COL25A1: variants seen among roughly 807,000 people sequenced by gnomAD.
COL25A1 encodes collagen alpha-1(XXV) chain.
A neutral mutation model predicts 128.4 loss-of-function variants in COL25A1; 103 were observed. The observed-to-expected ratio is 0.80, with a 90% CI of 0.68 to 0.94. The LOEUF is 0.94. COL25A1 is among the 40% of genes least tolerant of loss of function. The pLI is 0.00. For synonymous variants in COL25A1, 279 were observed against 277.2 expected (o/e 1.01, Z -0.06); for missense variants, 745 against 840.0 (o/e 0.89, Z 1.40).
chr4:108,971,614 TA>T, intron 8 of COL25A1, among the ~76,000 whole-genome samples: 1 of 152,282 alleles, frequency 6.6e-6, no homozygotes. Flanking sequence ...CTGAGTGTTG[TA>T]GGTGGAGGCA....
intron 3 of COL25A1, among the ~76,000 whole-genome samples, chr4:109,153,452 A>G (rs956769254): frequency 2.0e-5 from 3 of 152,086 alleles, no homozygotes; most frequent in African/African-American, 7.2e-5. Flanking sequence ...AAAGAAGAGT[A>G]ACAGCACTTG....
intron 3 of COL25A1, among the ~76,000 whole-genome samples, chr4:109,191,096 C>G (rs981172883): frequency 6.6e-6 from 1 of 152,160 alleles, no homozygotes; most frequent in South Asian, 2.1e-4. Context: ...GATCACTATT[C>G]CGAAGCAAAC....
intron 3 of COL25A1, among the ~76,000 whole-genome samples, chr4:109,156,481 G>A (rs996210199): frequency 6.6e-6 from 1 of 152,136 alleles, no homozygotes; most frequent in South Asian, 2.1e-4. Context: ...GCTATGAAAG[G>A]TATTCATCTG....
chr4:109,228,584 C>G (rs1981563), intron 3 of COL25A1, among the ~76,000 whole-genome samples: 71,035 of 151,948 alleles, frequency 0.47, 19,941 homozygotes, highest in African/African-American at 0.78. Context: ...GATCCTTAGA[C>G]GTTTTAATCT....
At chr4:109,049,706 C>T (rs1760803371) in intron 4 of COL25A1, among the ~76,000 whole-genome samples, 2 of 152,118 alleles carry the variant, frequency 1.3e-5, no homozygotes, top group Non-Finnish European at 2.9e-5. Flanking sequence ...AAAATAACAA[C>T]ACAGCTTTCT....
At chr4:109,137,333 A>C (rs1769885801) in intron 3 of COL25A1, among the ~76,000 whole-genome samples, 1 of 152,212 alleles carries the variant, frequency 6.6e-6, no homozygotes, top group Admixed American at 6.5e-5. Context: ...TAAGCAAACA[A>C]CACTTTCTGC....
chr4:109,013,106 C>A (rs1756813747), intron 5 of COL25A1, among the ~76,000 whole-genome samples: 1 of 152,084 alleles, frequency 6.6e-6, no homozygotes. Context: ...TGTAAATGCA[C>A]CAATCAGCAC....
At chr4:109,035,576 A>G (rs915423309) in intron 5 of COL25A1, among the ~76,000 whole-genome samples, 14 of 152,204 alleles carry the variant, frequency 9.2e-5, no homozygotes, top group Admixed American at 7.8e-4. Context: ...AACGAACAGG[A>G]ATGAAAGAAA....
intron 19 of COL25A1, among the ~76,000 whole-genome samples, chr4:108,883,072 C>T (rs1450593557): frequency 1.3e-5 from 2 of 152,090 alleles, no homozygotes; most frequent in African/African-American, 4.8e-5. Flanking sequence ...GACGGAATAG[C>T]ACTCTGTTGC....
chr4:109,120,112 A>G (rs888938310), intron 3 of COL25A1, among the ~76,000 whole-genome samples: 8 of 152,088 alleles, frequency 5.3e-5, no homozygotes, highest in African/African-American at 1.9e-4. Flanking sequence ...CTCTCAGCAA[A>G]TTAATACAGA....
At chr4:108,925,703 C>T (rs915280049) in intron 11 of COL25A1, among the ~76,000 whole-genome samples, 1 of 152,122 alleles carries the variant, frequency 6.6e-6, no homozygotes, top group African/African-American at 2.4e-5. Flanking sequence ...AGTGTCTCAA[C>T]ACAGAAATGG....
intron 8 of COL25A1, among the ~76,000 whole-genome samples, chr4:108,969,608 T>C (rs1431307738): frequency 9.9e-5 from 15 of 152,162 alleles, no homozygotes; most frequent in Admixed American, 9.8e-4. Flanking sequence ...TCTTGGTTCA[T>C]CAACTTACCA....
chr4:108,850,634 G>A (rs1735656960), intron 26 of COL25A1, among the ~76,000 whole-genome samples: 2 of 152,078 alleles, frequency 1.3e-5, no homozygotes, highest in South Asian at 4.1e-4. Flanking sequence ...AAGACTTAGA[G>A]GGACCTTCTA....
chr4:109,153,564 C>T (rs1301788224), intron 3 of COL25A1, among the ~76,000 whole-genome samples: 1 of 152,194 alleles, frequency 6.6e-6, no homozygotes, highest in African/African-American at 2.4e-5. Context: ...TATTTTACCA[C>T]TCATCTTCTC....
In COL25A1 at chr4:109,030,713, T is replaced by C. The variant is rs372396101; in HGVS notation, c.420+17455A>G. 2.4e-4 allele frequency among the ~76,000 whole-genome samples: 37 copies of C among 152,248 alleles called. No homozygotes were observed. In the South Asian group the frequency reaches 4.6e-3, roughly 19 times the overall value. The stretch of plus-strand genomic sequence containing the variant: ...AGTCAGGCTTCCAGGTGTACCACAA[T>C]GCAATGCCTGTTAAAAATTTTTAAA... On this transcript the variant is annotated intron_variant, in intron 5 of 37. Coordinates refer to ENST00000399132, the MANE Select transcript of COL25A1 (RefSeq NM_198721.4).
At chr4:108,826,275 C>A (rs1056687834) in intron 33 of COL25A1, among the ~76,000 whole-genome samples, 1 of 152,190 alleles carries the variant, frequency 6.6e-6, no homozygotes, top group African/African-American at 2.4e-5. Flanking sequence ...CAGTGTCTCA[C>A]GCCTATAAAT....
intron 6 of COL25A1, among the ~76,000 whole-genome samples, chr4:108,990,212 CAAAAAAAAAAAAAA>C (rs1171265414): frequency 9.3e-4 from 37 of 39,736 alleles, no homozygotes; most frequent in South Asian, 6.4e-3. Context: ...AACTCCATCT[CAAAAAAAAAAAAAA>C]AAAAAAAAAA....
In COL25A1 at chr4:108,961,568, CCTGTTCTGTTCTGTT is replaced by C. The variant is rs55657985; in HGVS notation, c.492+12784_492+12798del. On this transcript the variant is annotated intron_variant, in intron 8 of 37. Coordinates refer to ENST00000399132, the MANE Select transcript of COL25A1 (RefSeq NM_198721.4). ...ACTAAGGCACATCTCAGAAGGTTCT[CCTGTTCTGTTCTGTT>C]CTGTTCTGTTCTGTTCTGTTCTGTT... Among the ~76,000 whole-genome samples the C allele has an allele frequency of 5.7e-3, 767 of 135,480 alleles. 5 individuals carry two copies. The highest frequency in any genetic ancestry group is 8.5e-3 in the Non-Finnish European group (529 of 62,490). 88.9% of individuals were successfully genotyped at this position (135,480 alleles called of 152,430 possible).
intron 3 of COL25A1, among the ~76,000 whole-genome samples, chr4:109,073,136 T>TATGTGTGTGTGGGGGAGGGGCGC (rs2125985054): frequency 6.6e-6 from 1 of 152,220 alleles, no homozygotes; most frequent in East Asian, 1.9e-4. Flanking sequence ...TGTGCATGTG[T>TATGTGTGTGTGGGGGAGGGGCGC]ATGTGTGTGT....
Sources: gnomAD v4.1 joint callset for allele counts (sites outside exome capture counted in the v4.1 genomes callset) on GRCh38, gnomAD v4.1.1 for gene constraint, MANE v1.5 for transcripts, NCBI Gene and HGNC (gene_info 2026-07-23, HGNC 2026-07-21) for gene names.